Variants in ACBD6 observed in about 807,000 individuals in gnomAD.
The protein encoded by ACBD6 is acyl-CoA binding domain containing 6.
A neutral mutation model predicts 37.2 loss-of-function variants in ACBD6; 28 were observed. That is an observed-to-expected ratio of 0.75 (90% CI 0.56 to 1.03). The LOEUF (loss-of-function observed/expected upper bound fraction) is 1.03, where lower values mean the gene tolerates loss of function less well. Among genes scored for constraint, ACBD6 ranks in the 50% least tolerant of loss-of-function variants. The pLI is 0.00. For missense variants in ACBD6, 340 were observed against 337.4 expected, an observed-to-expected ratio of 1.01 and a Z score of -0.06; for synonymous variants, 113 against 126.8, an observed-to-expected ratio of 0.89 and a Z score of 0.73.
chr1:180,355,160 A>G lies in ACBD6; in HGVS notation c.664-40438T>C, dbSNP rs141963527. ...TTAATCTCATCCAACCACCTTATGA[A>G]ATAGGTACTAAGTTATCTCATTTCA... On this transcript the variant is annotated intron_variant, in intron 6 of 7. Coordinates refer to ENST00000367595, the MANE Select transcript of ACBD6 (RefSeq NM_032360.4). Among the ~76,000 whole-genome samples the G allele has an allele frequency of 2.6e-5, 4 of 152,292 alleles. No homozygotes were observed. The East Asian group carries it at 7.7e-4, about 29-fold the overall frequency.
intron 6 of ACBD6, among the ~76,000 whole-genome samples, chr1:180,329,552 G>A (rs1236659575): frequency 6.6e-6 from 1 of 152,044 alleles, no homozygotes; most frequent in Non-Finnish European, 1.5e-5. Flanking sequence ...CTTTATTATA[G>A]ATCTGTGTAT....
chr1:180,446,977 G>C (rs913944650), intron 3 of ACBD6, among the ~76,000 whole-genome samples: 1 of 152,068 alleles, frequency 6.6e-6, no homozygotes, highest in African/African-American at 2.4e-5. Context: ...GGAGGGAGAG[G>C]TTGTAGTGAG....
intron 5 of ACBD6, 69 bp downstream of exon 5, chr1:180,413,297 T>C: frequency 1.7e-6 from 2 of 1,198,258 alleles, no homozygotes; most frequent in South Asian, 1.2e-5. Flanking sequence ...TGGCCTACCA[T>C]TTAGGAAAAG....
chr1:180,285,000 G>A (rs549936932), downstream of ACBD6, among the ~76,000 whole-genome samples: 2 of 152,134 alleles, frequency 1.3e-5, no homozygotes, highest in South Asian at 2.1e-4. Context: ...GTTGAGCCTC[G>A]TGGTGTGCAC....
At chr1:180,292,660 C>T (rs1649759228) in intron 7 of ACBD6, among the ~76,000 whole-genome samples, 1 of 151,496 alleles carries the variant, frequency 6.6e-6, no homozygotes, top group African/African-American at 2.4e-5. Context: ...TAGATGGACA[C>T]ATCACCTACG....
At chr1:180,475,566 G>T (rs1650747294) in intron 3 of ACBD6, among the ~76,000 whole-genome samples, 1 of 151,940 alleles carries the variant, frequency 6.6e-6, no homozygotes, top group South Asian at 2.1e-4. Flanking sequence ...TTTTATTTTT[G>T]TAGAGATGAG....
At chr1:180,314,778 A>C in intron 6 of ACBD6, 56 bp from the exon 7 acceptor site, 1 of 1,325,826 alleles carries the variant, frequency 7.5e-7, no homozygotes, top group Non-Finnish European at 1.1e-6. Context: ...AAAAGTATGA[A>C]AGTACATAAA....
At chr1:180,366,251 T>G (rs1260461778) in intron 6 of ACBD6, among the ~76,000 whole-genome samples, 3 of 152,156 alleles carry the variant, frequency 2.0e-5, no homozygotes, top group African/African-American at 4.8e-5. Context: ...TTTTAAAAAT[T>G]GAAAGAATTA....
intron 3 of ACBD6, among the ~76,000 whole-genome samples, chr1:180,483,603 G>A (rs1651142789): frequency 6.6e-6 from 1 of 151,364 alleles, no homozygotes; most frequent in Non-Finnish European, 1.5e-5. Context: ...CTTAATACAT[G>A]GTAGAAAAAA....
intron 9 of ACBD6, among the ~76,000 whole-genome samples, chr1:180,279,411 C>T (rs1483491247): frequency 6.6e-6 from 1 of 152,128 alleles, no homozygotes; most frequent in Non-Finnish European, 1.5e-5. Context: ...ATTTTCGTGC[C>T]TCAGCCTCCA....
intron 9 of ACBD6, chr1:180,276,122 TAAATG>T (rs1013719728): frequency 1.3e-5 from 2 of 152,174 alleles, no homozygotes; most frequent in African/African-American, 4.8e-5. Flanking sequence ...CCCATTCTCT[TAAATG>T]AGATCAGCAG....
At chr1:180,502,005 G>A (rs772419174) in intron 1 of ACBD6, 40 bp downstream of exon 1, 3 of 1,594,082 alleles carry the variant, frequency 1.9e-6, no homozygotes, top group Middle Eastern at 1.7e-4. Flanking sequence ...AGAAGGCTCC[G>A]TGTCTTTCTC....
intron 3 of ACBD6, among the ~76,000 whole-genome samples, chr1:180,453,185 G>A (rs926212542): frequency 3.3e-4 from 50 of 152,216 alleles, no homozygotes; most frequent in African/African-American, 1.1e-3. Flanking sequence ...CTAGCAAATC[G>A]AATCCAGCAG....
intron 7 of ACBD6, among the ~76,000 whole-genome samples, chr1:180,309,561 A>G (rs1249730494): frequency 6.6e-6 from 1 of 152,164 alleles, no homozygotes; most frequent in Non-Finnish European, 1.5e-5. Context: ...TGAAAGAAGG[A>G]ATAAGGGGAT....
At chr1:180,441,451 AATCAGATTGACTTGGACAGCGCTGCC>A (rs1322418195) in intron 3 of ACBD6, among the ~76,000 whole-genome samples, 1 of 152,196 alleles carries the variant, frequency 6.6e-6, no homozygotes, top group African/African-American at 2.4e-5. Context: ...ATTCCATATA[AATCAGATTGACTTGGACAGCGCTGCC>A]ATCTAAATAA....
chr1:180,342,343 C>T (rs776392061), intron 6 of ACBD6, among the ~76,000 whole-genome samples: 1 of 152,166 alleles, frequency 6.6e-6, no homozygotes, highest in African/African-American at 2.4e-5. Context: ...TGCGTCTAAG[C>T]ACTTTGATAA....
At chr1:180,361,442 T>A (rs924817146) in intron 6 of ACBD6, among the ~76,000 whole-genome samples, 4 of 142,644 alleles carry the variant, frequency 2.8e-5, no homozygotes, top group Non-Finnish European at 6.2e-5. Flanking sequence ...CATAATGGAA[T>A]CTGTAAAATA....
At chr1:180,274,231 C>A in intron 10 of ACBD6, 1 of 1,614,188 alleles carries the variant, frequency 6.2e-7, no homozygotes, top group Non-Finnish European at 8.5e-7. Flanking sequence ...GGATTTATGG[C>A]AACGTGGGGG....
chr1:180,338,002 G>A (rs1051394642), intron 6 of ACBD6, among the ~76,000 whole-genome samples: 2 of 152,050 alleles, frequency 1.3e-5, no homozygotes, highest in African/African-American at 4.8e-5. Context: ...AATAAAAGAG[G>A]ATCCAAACAA....
Sources: gnomAD v4.1 joint callset for allele counts (sites outside exome capture counted in the v4.1 genomes callset) on GRCh38, gnomAD v4.1.1 for gene constraint, MANE v1.5 for transcripts, NCBI Gene and HGNC (gene_info 2026-07-23, HGNC 2026-07-21) for gene names.